Variants in PPP1R21 observed in about 807,000 individuals in gnomAD.
PPP1R21 encodes the protein KLRAQ motif containing 1.
Under a neutral mutation model 112.8 loss-of-function variants are expected in PPP1R21, and 85 were observed. The observed-to-expected ratio is 0.75, with a 90% CI of 0.63 to 0.90. The LOEUF (loss-of-function observed/expected upper bound fraction) is 0.90, where lower values mean the gene tolerates loss of function less well. Among genes scored for constraint, PPP1R21 ranks in the 40% least tolerant of loss-of-function variants. The pLI is 0.00. For missense variants in PPP1R21, 1,199 were observed against 901.5 expected (o/e 1.33, Z -4.23); for synonymous variants, 381 against 322.3 (o/e 1.18, Z -1.95).
intron 15 of PPP1R21, among the ~76,000 whole-genome samples, chr2:48,494,105 C>T (rs1224525906): frequency 1.3e-5 from 2 of 148,894 alleles, no homozygotes; most frequent in African/African-American, 4.9e-5. Flanking sequence ...TGGTGCATGC[C>T]TGTAGTCCCA....
intron 7 of PPP1R21, among the ~76,000 whole-genome samples, chr2:48,463,846 AACT>A (rs1668083940): frequency 6.6e-6 from 1 of 151,714 alleles, no homozygotes. Flanking sequence ...GGAGTGTAAG[AACT>A]CTTTTGCTTT....
rs1273158306 is a variant in PPP1R21 at position 48,505,586 on chromosome 2, C to G, written c.1958C>G (p.Ser653Cys). The G allele has an allele frequency of 3.2e-6, 5 of 1,550,548 alleles. No individual in the cohort carries two copies. The highest frequency in any genetic ancestry group is 2.4e-5 in the South Asian group (2 of 84,028). Residue 653 changes from serine (S) to cysteine (C), a missense_variant, in exon 18 of 22, where the codon TCT (serine) becomes TGT (cysteine). Ser to Cys is a moderately radical substitution (Grantham distance 112). Coordinates refer to ENST00000294952, the MANE Select transcript of PPP1R21 (RefSeq NM_001135629.3). Reference sequence around the variant, plus strand: ...TAGATTGGGACTTTAACCAGGACATCTGACAGTGAGGTAACATGTGCTTGT... The same window carrying G: ...TAGATTGGGACTTTAACCAGGACATGTGACAGTGAGGTAACATGTGCTTGT... ...TSLIGTLTRTSDSEVPDVESR... is the reference protein window; with the variant it reads ...TSLIGTLTRTCDSEVPDVESR...
chr2:48,487,675 T>C (rs1424263246), intron 14 of PPP1R21, among the ~76,000 whole-genome samples: 12 of 150,954 alleles, frequency 7.9e-5, no homozygotes, highest in African/African-American at 2.7e-4. Context: ...GTAGGAGGAT[T>C]GCTTGAGCCC....
chr2:48,482,725 AC>A (rs1304528396), intron 13 of PPP1R21, among the ~76,000 whole-genome samples: 1 of 151,132 alleles, frequency 6.6e-6, no homozygotes, highest in Non-Finnish European at 1.5e-5. Flanking sequence ...AAATATATAG[AC>A]CAACGTTTCC....
chr2:48,491,149 C>T lies in PPP1R21; in HGVS notation c.1578C>T (p.Ala526=), dbSNP rs1396596414. Reference sequence around the variant, plus strand: ...TACAGTATAAGAAAAAAGCTGCTGCCTATATGAAGTCTTTGAGAAAGGTTT... The same window carrying T: ...TACAGTATAAGAAAAAAGCTGCTGCTTATATGAAGTCTTTGAGAAAGGTTT... ...CMLQYKKKAA[A]YMKSLRKPLL... Residue 526 remains alanine (A), a synonymous_variant, in exon 15 of 22, where the codon GCC becomes GCT. Transcript: ENST00000294952. 2 of 1,612,174 alleles carry T rather than the reference C, an allele frequency of 1.2e-6. No homozygotes were observed. The highest frequency in any genetic ancestry group is 1.3e-5 in the African/African-American group (1 of 74,910).
At chr2:48,451,616 A>G (rs1301098569) in intron 2 of PPP1R21, among the ~76,000 whole-genome samples, 8 of 152,242 alleles carry the variant, frequency 5.3e-5, no homozygotes, top group East Asian at 1.9e-4. Flanking sequence ...AATATGATAG[A>G]TGAAGGAATT....
rs778899335 is a variant in PPP1R21 at position 48,510,153 on chromosome 2, A to G, written c.2184+40A>G. ...ACCTGAATGGTTTTAATGTTTTTTC[A>G]TTGAAAGTTCTTTGGTAGCAAAGCA... On this transcript the variant is annotated intron_variant, in intron 20 of 21. Coordinates refer to ENST00000294952, the MANE Select transcript of PPP1R21 (RefSeq NM_001135629.3). The G allele has an allele frequency of 3.1e-5, 46 of 1,481,716 alleles. No individual in the cohort carries two copies. The South Asian group carries it at 4.8e-4, about 16-fold the overall frequency. The allele number at this position is 1,481,716 out of a possible 1,614,324, so 91.8% of individuals were successfully genotyped here. A position where few individuals can be genotyped will look rare whatever the true frequency, so the allele number is the denominator to read the frequency against.
At chr2:48,503,360 CT>C (rs1478469379) in intron 17 of PPP1R21, among the ~76,000 whole-genome samples, 3 of 152,110 alleles carry the variant, frequency 2.0e-5, no homozygotes, top group African/African-American at 7.2e-5. Flanking sequence ...TCAGTAGAAA[CT>C]TACTGATTTC....
At chr2:48,464,916 T>C in intron 7 of PPP1R21, 21 bp from the exon 8 acceptor site, 1 of 1,552,614 alleles carries the variant, frequency 6.4e-7, no homozygotes, top group Middle Eastern at 1.7e-4. Context: ...AGACTTAATG[T>C]ACATTATTTT....
chr2:48,459,471 T>C (rs1405083232), intron 4 of PPP1R21, among the ~76,000 whole-genome samples: 3 of 152,164 alleles, frequency 2.0e-5, no homozygotes, highest in African/African-American at 7.2e-5. Context: ...GGCTTTGGAG[T>C]AGGTTTCCTG....
chr2:48,498,160 G>A (rs568734522), intron 16 of PPP1R21, among the ~76,000 whole-genome samples: 3 of 151,390 alleles, frequency 2.0e-5, no homozygotes, highest in African/African-American at 4.8e-5. Context: ...TATCTTATTG[G>A]TTTGCAAAAA....
intron 20 of PPP1R21, among the ~76,000 whole-genome samples, chr2:48,511,087 A>G (rs142005647): frequency 7.6e-4 from 116 of 152,280 alleles, no homozygotes; most frequent in African/African-American, 1.2e-3. Context: ...GGGACATGGT[A>G]TTTTGATTAT....
chr2:48,500,651 C>G (rs540395935), intron 17 of PPP1R21, among the ~76,000 whole-genome samples: 2 of 152,106 alleles, frequency 1.3e-5, no homozygotes, highest in Non-Finnish European at 2.9e-5. Flanking sequence ...TGGCTTATGC[C>G]TGTAATCCTA....
intron 21 of PPP1R21, among the ~76,000 whole-genome samples, chr2:48,513,135 GCAAAGCTCATTGTC>G (rs1670714100): frequency 6.6e-6 from 1 of 152,228 alleles, no homozygotes; most frequent in African/African-American, 2.4e-5. Flanking sequence ...GTTGAGTACA[GCAAAGCTCATTGTC>G]CTGAAGGTAA....
At chr2:48,509,533 C>T (rs138824360) in intron 19 of PPP1R21, among the ~76,000 whole-genome samples, 3,203 of 151,646 alleles carry the variant, frequency 0.021, 48 homozygotes, top group Middle Eastern at 0.045. Flanking sequence ...TAGTGAAACC[C>T]GTCTCTACTA....
At chr2:48,503,455 T>G (rs1158506185) in intron 17 of PPP1R21, among the ~76,000 whole-genome samples, 1 of 152,196 alleles carries the variant, frequency 6.6e-6, no homozygotes, top group Non-Finnish European at 1.5e-5. Flanking sequence ...AATGTCTCAT[T>G]TTTATGTATA....
At position 48,480,070 on chromosome 2, in the gene PPP1R21, C is replaced by G. The variant is rs373115560; in HGVS notation, c.1318+54C>G. 819 of 1,165,544 alleles carry G rather than the reference C, an allele frequency of 7.0e-4. 5 individuals carry two copies. Among genetic ancestry groups the G allele is most frequent in the South Asian group, 5.0e-3 (413 of 82,230 alleles). 72.2% of individuals were successfully genotyped at this position (1,165,544 alleles called of 1,614,324 possible). A position where few individuals can be genotyped will look rare whatever the true frequency, so the allele number is the denominator to read the frequency against. ...AAACCTTTGCCCCACTTTCTTCGAT[C>G]TGCCTGAATAAGATTTAAACAAACA... On this transcript the variant is annotated intron_variant, in intron 13 of 21. Transcript: ENST00000294952.
In PPP1R21 at chr2:48,488,290, A is replaced by G. The variant is rs573763344; in HGVS notation, c.1446+1532A>G. Among the ~76,000 whole-genome samples the G allele has an allele frequency of 7.2e-5, 11 of 152,212 alleles. No homozygotes were observed. The South Asian group carries it at 2.3e-3, about 32-fold the overall frequency. ...ACGGCATGCCAGATGCTTTTGGAGG[A>G]TAATCCTAACTGATTCAGTTAAGAA... On this transcript the variant is annotated intron_variant, in intron 14 of 21. Transcript: ENST00000294952.
chr2:48,465,047 A>G, intron 8 of PPP1R21, 58 bp downstream of exon 8: 1 of 1,367,832 alleles, frequency 7.3e-7, no homozygotes. Flanking sequence ...ACTTTCCAGA[A>G]ACAAGAATTA....
Sources: gnomAD v4.1 joint callset for allele counts (sites outside exome capture counted in the v4.1 genomes callset) on GRCh38, gnomAD v4.1.1 for gene constraint, MANE v1.5 for transcripts, NCBI Gene and HGNC (gene_info 2026-07-23, HGNC 2026-07-21) for gene names.